OTULINL: variants seen among roughly 807,000 people sequenced by gnomAD.
OTULINL encodes OTU deubiquitinase with linear linkage specificity like.
OTULINL carries 42 observed loss-of-function variants against 43.9 expected under a neutral mutation model. The ratio of observed to expected loss-of-function variants is 0.96; its 90% CI spans 0.75 to 1.24. The LOEUF is 1.24. Ranked by LOEUF, OTULINL falls within the 50% of genes most tolerant of loss-of-function variation. OTULINL has a pLI of 0.00. For synonymous variants in OTULINL, 172 were observed against 153.6 expected, an observed-to-expected ratio of 1.12 and a Z score of -0.88; for missense variants, 411 against 426.4, an observed-to-expected ratio of 0.96 and a Z score of 0.32.
intron 1 of OTULINL, among the ~76,000 whole-genome samples, chr5:14,590,705 T>C (rs1368650685): frequency 6.6e-6 from 1 of 152,164 alleles, no homozygotes; most frequent in Non-Finnish European, 1.5e-5. Flanking sequence ...ATGGGTTGAG[T>C]TGTGGCTTTA....
chr5:14,603,996 A>G (rs42411), intron 5 of OTULINL, among the ~76,000 whole-genome samples: 6,440 of 152,220 alleles, frequency 0.042, 196 homozygotes, highest in Admixed American at 0.09. Context: ...AATATATGCA[A>G]TGTGCTAGCC....
At chr5:14,608,210 C>T (rs1759514155) in intron 6 of OTULINL, among the ~76,000 whole-genome samples, 1 of 152,152 alleles carries the variant, frequency 6.6e-6, no homozygotes, top group Non-Finnish European at 1.5e-5. Context: ...TTATTGTAAA[C>T]ATTTTATGGT....
intron 1 of OTULINL, among the ~76,000 whole-genome samples, chr5:14,595,637 G>A (rs1439036782): frequency 7.7e-6 from 1 of 130,216 alleles, no homozygotes; most frequent in African/African-American, 3.0e-5. Context: ...ACCAAAAACG[G>A]TGCTTTTTTT....
intron 1 of OTULINL, among the ~76,000 whole-genome samples, chr5:14,593,710 C>T (rs1045852027): frequency 6.6e-6 from 1 of 152,172 alleles, no homozygotes; most frequent in Non-Finnish European, 1.5e-5. Flanking sequence ...AAGATGTGCC[C>T]AGTCAAGAGA....
chr5:14,594,722 C>T (rs1324988798), intron 1 of OTULINL, among the ~76,000 whole-genome samples: 3 of 152,188 alleles, frequency 2.0e-5, no homozygotes, highest in African/African-American at 7.2e-5. Context: ...ACAGCACTTC[C>T]TGCCCTTGAT....
intron 1 of OTULINL, among the ~76,000 whole-genome samples, chr5:14,599,006 A>G (rs1050863106): frequency 6.6e-6 from 1 of 152,266 alleles, no homozygotes; most frequent in African/African-American, 2.4e-5. Flanking sequence ...AGCTAAATTA[A>G]TAAAAATCTA....
At chr5:14,593,705 G>A (rs949231904) in intron 1 of OTULINL, among the ~76,000 whole-genome samples, 12 of 152,214 alleles carry the variant, frequency 7.9e-5, no homozygotes, top group African/African-American at 2.9e-4. Context: ...TCTAGAAGAT[G>A]TGCCCAGTCA....
chr5:14,591,553 A>G (rs1035834678), intron 1 of OTULINL, among the ~76,000 whole-genome samples: 1 of 152,144 alleles, frequency 6.6e-6, no homozygotes, highest in Non-Finnish European at 1.5e-5. Flanking sequence ...CACCTTCAGG[A>G]AGGAGTAAAG....
rs541352473 is a variant in OTULINL, at chr5:14,592,388, C to T, written c.65-8577C>T. 2.0e-5 allele frequency among the ~76,000 whole-genome samples: 3 copies of T among 152,298 alleles called. No homozygotes were observed. The South Asian group carries it at 6.2e-4, about 32-fold the overall frequency. ...TTACTCAGGGGAAGGCAGTAATGTA[C>T]AGTGGTTAGTTCAGAGGGCACAGCT... On this transcript the variant is annotated intron_variant, in intron 1 of 7. Coordinates refer to ENST00000274217, the MANE Select transcript of OTULINL (RefSeq NM_019018.3).
chr5:14,614,115 C>T lies in OTULINL; in HGVS notation c.*3801C>T, dbSNP rs1759629318. On this transcript the variant is annotated 3_prime_UTR_variant, in exon 8 of 8. Transcript: ENST00000274217. ...TTAGCAATAATTTTCTCTTAAATAGCAAATTTCTAAAGCTGTATGATTCTC... is the reference window on the plus strand; with the variant it reads ...TTAGCAATAATTTTCTCTTAAATAGTAAATTTCTAAAGCTGTATGATTCTC... Among the ~76,000 whole-genome samples the T allele has an allele frequency of 6.6e-6, 1 of 152,076 alleles. No homozygotes were observed. Among genetic ancestry groups the T allele is most frequent in the Admixed American group, 6.5e-5 (1 of 15,274 alleles).
chr5:14,583,915 C>G (rs1204166764), intron 1 of OTULINL, among the ~76,000 whole-genome samples: 1 of 152,046 alleles, frequency 6.6e-6, no homozygotes, highest in Non-Finnish European at 1.5e-5. Flanking sequence ...TTGATTTTTA[C>G]TATTTCTTCT....
chr5:14,603,126 G>A (rs1416501533), intron 5 of OTULINL, among the ~76,000 whole-genome samples: 1 of 152,290 alleles, frequency 6.6e-6, no homozygotes, highest in African/African-American at 2.4e-5. Flanking sequence ...CACAATGCAT[G>A]TTCAATTGAA....
chr5:14,600,984 C>T lies in OTULINL; in HGVS notation c.84C>T (p.Ser28=). Residue 28 remains serine (S), a synonymous_variant, in exon 2 of 8, where the codon TCC becomes TCT. Coordinates refer to ENST00000274217, the MANE Select transcript of OTULINL (RefSeq NM_019018.3). ...TCATAGGAAGTGACCAAGTTCACTC[C>T]TGGATGCTAGCTACAAGCCAAGCCT... ...APAAGSDQVH[S]WMLATSQALD... The T allele has an allele frequency of 6.6e-7, 1 of 1,505,576 alleles. No individual in the cohort carries two copies. The highest frequency in any genetic ancestry group is 8.9e-7 in the Non-Finnish European group (1 of 1,129,894). 93.3% of individuals were successfully genotyped at this position (1,505,576 alleles called of 1,614,324 possible).
At chr5:14,605,181 G>C (rs1759452965) in intron 5 of OTULINL, among the ~76,000 whole-genome samples, 1 of 152,186 alleles carries the variant, frequency 6.6e-6, no homozygotes, top group African/African-American at 2.4e-5. Flanking sequence ...CTTGACTTCT[G>C]TGTACCCACA....
At chr5:14,584,224 A>G (rs1174268617) in intron 1 of OTULINL, among the ~76,000 whole-genome samples, 1 of 152,158 alleles carries the variant, frequency 6.6e-6, no homozygotes, top group African/African-American at 2.4e-5. Flanking sequence ...GACTCGGGCC[A>G]TTAACTGTCT....
At chr5:14,603,733 A>G (rs373774699) in intron 5 of OTULINL, among the ~76,000 whole-genome samples, 1 of 151,900 alleles carries the variant, frequency 6.6e-6, no homozygotes, top group South Asian at 2.1e-4. Flanking sequence ...CAGATATATG[A>G]TTTACATATA....
intron 1 of OTULINL, among the ~76,000 whole-genome samples, chr5:14,586,900 C>T (rs575468662): frequency 1.3e-5 from 2 of 152,132 alleles, no homozygotes; most frequent in Middle Eastern, 3.4e-3. Flanking sequence ...AAGCATACCT[C>T]CCTGTCCTGT....
intron 1 of OTULINL, among the ~76,000 whole-genome samples, chr5:14,591,067 A>G (rs760803671): frequency 2.6e-5 from 4 of 152,156 alleles, no homozygotes; most frequent in Admixed American, 1.3e-4. Flanking sequence ...ATGGTGCCCA[A>G]ATGATTCTGA....
In OTULINL at chr5:14,615,512, T is replaced by G. The variant is rs1759659332; in HGVS notation, c.*5198T>G. Among the ~76,000 whole-genome samples, 1 of 152,178 alleles carries G rather than the reference T, an allele frequency of 6.6e-6. No individual in the cohort carries two copies. The highest frequency in any genetic ancestry group is 2.4e-5 in the African/African-American group (1 of 41,426). ...GTGTGGTGGAAGTTTCAGTGTAATGTGATTCCTAGTAGGCACATCTGTGAC... is the reference window on the plus strand; with the variant it reads ...GTGTGGTGGAAGTTTCAGTGTAATGGGATTCCTAGTAGGCACATCTGTGAC... On this transcript the variant is annotated 3_prime_UTR_variant, in exon 8 of 8. Transcript: ENST00000274217.
Sources: allele counts gnomAD v4.1 joint callset (sites outside exome capture counted in the v4.1 genomes callset), GRCh38; gene constraint gnomAD v4.1.1; transcripts MANE v1.5; gene names NCBI Gene and HGNC (gene_info 2026-07-23, HGNC 2026-07-21).